The following COMMD1 variants were observed in gnomAD, a reference collection of about 807,000 sequenced individuals.
The protein encoded by COMMD1 is COMM domain-containing protein 1.
In COMMD1, 10 loss-of-function variants were observed where a neutral mutation model predicts 17.2. That is an observed-to-expected ratio of 0.58 (90% CI 0.36 to 0.99). The LOEUF is 0.99. COMMD1 is among the 50% of genes least tolerant of loss of function. The pLI, the probability that COMMD1 is intolerant of heterozygous loss-of-function variation, is 0.01. For synonymous variants in COMMD1, 97 were observed against 91.6 expected (o/e 1.06, Z -0.34); for missense variants, 270 against 231.8 (o/e 1.17, Z -1.07).
At chr2:61,915,896 T>C in intron 1 of COMMD1, 1 of 241,892 alleles carries the variant, frequency 4.1e-6, no homozygotes, top group South Asian at 4.4e-5. Context: ...GGTTTTCAAC[T>C]CCTGGGCTCA....
chr2:61,999,909 G>A (rs1668876503), intron 1 of COMMD1, among the ~76,000 whole-genome samples: 1 of 150,466 alleles, frequency 6.6e-6, no homozygotes, highest in Non-Finnish European at 1.5e-5. Flanking sequence ...TCTCATTACT[G>A]TCTGCCCCCT....
chr2:61,912,972 T>G (rs1463298965), intron 1 of COMMD1, among the ~76,000 whole-genome samples: 1 of 152,132 alleles, frequency 6.6e-6, no homozygotes, highest in Non-Finnish European at 1.5e-5. Flanking sequence ...GAAGATTGCT[T>G]GAGCCCAAGA....
chr2:61,901,385 G>T (rs1669652783), upstream of COMMD1, among the ~76,000 whole-genome samples: 2 of 152,004 alleles, frequency 1.3e-5, no homozygotes, highest in African/African-American at 4.8e-5. Flanking sequence ...CACTTTGGGA[G>T]GCCGAGGTGG....
intron 1 of COMMD1, among the ~76,000 whole-genome samples, chr2:61,908,320 G>A (rs6724773): frequency 0.017 from 2,510 of 150,066 alleles, 68 homozygotes; most frequent in African/African-American, 0.059. Context: ...TCCACCTCCC[G>A]GGTTTAAGTG....
In COMMD1 at chr2:62,000,872, G is replaced by C; in HGVS notation, c.352G>C (p.Gly118Arg). Residue 118 changes from glycine (G) to arginine (R), a missense_variant, in exon 2 of 3, where the codon GGG becomes CGG. Gly to Arg is a moderately radical substitution (Grantham distance 125). Transcript: ENST00000311832. ...SLMNQSRWNSGLRGLSWRVDG... is the reference protein window; with the variant it reads ...SLMNQSRWNSRLRGLSWRVDG... ...CATGAACCAGAGCCGCTGGAATAGC[G>C]GGCTTCGGGGCCTGAGCTGGAGAGT... The C allele has an allele frequency of 6.2e-7, 1 of 1,614,136 alleles. No homozygotes were observed. Among genetic ancestry groups the C allele is most frequent in the Non-Finnish European group, 8.5e-7 (1 of 1,180,026 alleles).
At chr2:62,049,978 A>G (rs902303805) in intron 2 of COMMD1, among the ~76,000 whole-genome samples, 4 of 152,246 alleles carry the variant, frequency 2.6e-5, no homozygotes, top group Non-Finnish European at 4.4e-5. Context: ...TCAAAAAAAC[A>G]TGATCAGTTT....
intron 2 of COMMD1, among the ~76,000 whole-genome samples, chr2:62,072,671 G>T (rs960597623): frequency 6.6e-6 from 1 of 152,244 alleles, no homozygotes; most frequent in African/African-American, 2.4e-5. Context: ...GTGAAGACTG[G>T]CAATGCTTCT....
intron 1 of COMMD1, among the ~76,000 whole-genome samples, chr2:61,941,567 C>CA (rs1260598123): frequency 2.0e-5 from 3 of 152,162 alleles, no homozygotes; most frequent in Non-Finnish European, 2.9e-5. Flanking sequence ...CTGCGGTGCT[C>CA]TACTTGGTAT....
At chr2:61,963,710 T>C (rs1235963511) in intron 1 of COMMD1, among the ~76,000 whole-genome samples, 2 of 152,188 alleles carry the variant, frequency 1.3e-5, no homozygotes, top group African/African-American at 4.8e-5. Context: ...TCAGAAATGG[T>C]ATCCTCTTTT....
chr2:62,003,585 C>T (rs964279785), intron 2 of COMMD1, among the ~76,000 whole-genome samples: 18 of 142,124 alleles, frequency 1.3e-4, no homozygotes, highest in African/African-American at 4.2e-4. Flanking sequence ...TTAACCATTA[C>T]GTTATGTGAC....
intron 2 of COMMD1, among the ~76,000 whole-genome samples, chr2:62,063,868 A>AATATAT (rs55740628): frequency 0.03 from 2,398 of 81,100 alleles, 154 homozygotes; most frequent in African/African-American, 0.066. Flanking sequence ...GTCTCTACAA[A>AATATAT]ATATATATAT....
chr2:61,977,713 G>C (rs1671842148), intron 1 of COMMD1, among the ~76,000 whole-genome samples: 1 of 151,956 alleles, frequency 6.6e-6, no homozygotes, highest in Admixed American at 6.6e-5. Context: ...TGGGCCCAGT[G>C]TGGTGGCTCA....
At chr2:62,073,541 T>G (rs1189438556) in intron 2 of COMMD1, among the ~76,000 whole-genome samples, 1 of 152,236 alleles carries the variant, frequency 6.6e-6, no homozygotes, top group African/African-American at 2.4e-5. Context: ...ATGTCCTGCC[T>G]TTTTGGGCTG....
intron 2 of COMMD1, among the ~76,000 whole-genome samples, chr2:62,039,530 A>G (rs574342922): frequency 1.3e-5 from 2 of 152,232 alleles, no homozygotes; most frequent in Non-Finnish European, 2.9e-5. Context: ...TGCCTCTTAA[A>G]TATCAGGGGG....
intron 2 of COMMD1, among the ~76,000 whole-genome samples, chr2:62,071,680 TC>T (rs1031687551): frequency 2.6e-5 from 4 of 152,066 alleles, no homozygotes; most frequent in Non-Finnish European, 5.9e-5. Context: ...CTATTATAAA[TC>T]AAAAATAAAA....
chr2:62,094,982 T>G (rs1041192561), intron 2 of COMMD1, among the ~76,000 whole-genome samples: 1 of 152,218 alleles, frequency 6.6e-6, no homozygotes, highest in African/African-American at 2.4e-5. Flanking sequence ...TTAGAGATTA[T>G]TGCCACCACT....
intron 2 of COMMD1, among the ~76,000 whole-genome samples, chr2:62,104,765 T>A (rs533090084): frequency 7.9e-5 from 12 of 151,810 alleles, no homozygotes; most frequent in African/African-American, 2.9e-4. Flanking sequence ...CAATGCTAGG[T>A]GCTAGAGATA....
intron 2 of COMMD1, among the ~76,000 whole-genome samples, chr2:62,049,957 T>C (rs1472216512): frequency 1.3e-5 from 2 of 152,206 alleles, no homozygotes. Context: ...TGAATATATC[T>C]GACAGATAAA....
intron 2 of COMMD1, among the ~76,000 whole-genome samples, chr2:62,060,980 A>T (rs1670840313): frequency 6.6e-6 from 1 of 152,014 alleles, no homozygotes; most frequent in Non-Finnish European, 1.5e-5. Context: ...CGTCATCTCC[A>T]ATCTGCTGTT....
Sources: allele counts gnomAD v4.1 joint callset (sites outside exome capture counted in the v4.1 genomes callset), GRCh38; gene constraint gnomAD v4.1.1; transcripts MANE v1.5; gene names NCBI Gene and HGNC (gene_info 2026-07-23, HGNC 2026-07-21).